C21orf91: variants seen among roughly 807,000 people sequenced by gnomAD.
C21orf91 encodes the protein chromosome 21 open reading frame 91.
A neutral mutation model predicts 32.9 loss-of-function variants in C21orf91; 26 were observed. The observed-to-expected ratio is 0.79, with a 90% CI of 0.58 to 1.10. The LOEUF is 1.10. C21orf91 is among the 50% of genes least tolerant of loss of function. The pLI is 0.00. For synonymous variants in C21orf91, 126 were observed against 120.4 expected (o/e 1.05, Z -0.31); for missense variants, 310 against 341.3 (o/e 0.91, Z 0.72).
rs1193293532 is a variant in C21orf91 at position 17,792,283 on chromosome 21, T to C, written c.*1132A>G. On this transcript the variant is annotated 3_prime_UTR_variant, in exon 5 of 5. Coordinates refer to ENST00000284881, the MANE Select transcript of C21orf91 (RefSeq NM_001100420.2). ...CGAGAACATTCTCTTAATACATAGG[T>C]TTATTTTTTTTTAATTAGGAGTTTT... 6.6e-6 allele frequency: 1 copy of C among 152,110 alleles called. No individual in the cohort carries two copies. Among genetic ancestry groups the C allele is most frequent in the East Asian group, 1.9e-4 (1 of 5,198 alleles). 9.4% of individuals were successfully genotyped at this position (152,110 alleles called of 1,614,324 possible).
At position 17,797,098 on chromosome 21, in the gene C21orf91, A is replaced by AT; in HGVS notation, c.147_148insA (p.Leu50IlefsTer10). The AT allele has an allele frequency of 6.3e-7, 1 of 1,597,476 alleles. No individual in the cohort carries two copies. Among genetic ancestry groups the AT allele is most frequent in the Non-Finnish European group, 8.5e-7 (1 of 1,173,454 alleles). On this transcript the variant is annotated frameshift_variant, in exon 3 of 5. Coordinates refer to ENST00000284881, the MANE Select transcript of C21orf91 (RefSeq NM_001100420.2). LOFTEE classifies it high-confidence loss of function. ...TGGCCCCTTAATGATTTGGTGTGCA[A>AT]GAGATCAGACTTTGGTACCCCTATG...
Position 17,812,202 on chromosome 21 carries a change from T to C in C21orf91, c.127+5990A>G, listed in dbSNP as rs373236398. ...TCTATTATTTAAACTTATCACCAATTAAGCCTACTTTCACTCTCACCCATC... is the reference window on the plus strand; with the variant it reads ...TCTATTATTTAAACTTATCACCAATCAAGCCTACTTTCACTCTCACCCATC... On this transcript the variant is annotated intron_variant, in intron 2 of 4. Transcript: ENST00000284881. Among the ~76,000 whole-genome samples the C allele has an allele frequency of 1.7e-4, 26 of 152,316 alleles. No individual in the cohort carries two copies. The South Asian group carries it at 5.2e-3, about 30-fold the overall frequency.
rs1305204100 is a variant in C21orf91 at position 17,792,510 on chromosome 21, A to G, written c.*905T>C. The G allele has an allele frequency of 1.3e-5, 2 of 152,092 alleles. No homozygotes were observed. Among genetic ancestry groups the G allele is most frequent in the Admixed American group, 1.3e-4 (2 of 15,272 alleles). The allele number at this position is 152,092 out of a possible 1,614,324, so 9.4% of individuals were successfully genotyped here. A position where few individuals can be genotyped will look rare whatever the true frequency, so the allele number is the denominator to read the frequency against. On this transcript the variant is annotated 3_prime_UTR_variant, in exon 5 of 5. Coordinates refer to ENST00000284881, the MANE Select transcript of C21orf91 (RefSeq NM_001100420.2). ...TTCAAAGACAGAACAATTTCACAGCACACTCAATTTGAAGATAGACATTAT... is the reference window on the plus strand; with the variant it reads ...TTCAAAGACAGAACAATTTCACAGCGCACTCAATTTGAAGATAGACATTAT...
chr21:17,800,520 G>A (rs1165256518), intron 2 of C21orf91, among the ~76,000 whole-genome samples: 1 of 152,300 alleles, frequency 6.6e-6, no homozygotes, highest in East Asian at 1.9e-4. Context: ...GCTATTTCAA[G>A]AGATCCCAGT....
chr21:17,819,095 G>C (rs1332108169), intron 1 of C21orf91: 1 of 152,222 alleles, frequency 6.6e-6, no homozygotes, highest in South Asian at 2.1e-4. Flanking sequence ...CGGGGAGCCG[G>C]GTCCTGGCCC....
At chr21:17,816,423 C>G (rs1260779488) in intron 2 of C21orf91, among the ~76,000 whole-genome samples, 2 of 152,210 alleles carry the variant, frequency 1.3e-5, no homozygotes, top group African/African-American at 4.8e-5. Context: ...GATTTGCCAG[C>G]AAACACTGGT....
intron 2 of C21orf91, among the ~76,000 whole-genome samples, chr21:17,798,222 T>C (rs2062534262): frequency 6.6e-6 from 1 of 152,202 alleles, no homozygotes; most frequent in African/African-American, 2.4e-5. Context: ...CCTTTAAAAA[T>C]TGAACTCATA....
intron 2 of C21orf91, among the ~76,000 whole-genome samples, chr21:17,813,161 T>C (rs949244482): frequency 6.6e-6 from 1 of 152,228 alleles, no homozygotes. Context: ...TAATGCCAGA[T>C]TGAATTAGCT....
chr21:17,796,806 A>G lies in C21orf91; in HGVS notation c.440T>C (p.Ile147Thr). 1 of 1,613,868 alleles carries G rather than the reference A, an allele frequency of 6.2e-7. No individual in the cohort carries two copies. The change falls in exon 3 of 5, where the codon ATA becomes ACA. Residue 147 changes from isoleucine to threonine, a missense_variant. Ile to Thr is a moderately conservative substitution (Grantham distance 89). Transcript: ENST00000284881. ...AGAGATGCCACCTGCACTTCCATCT[A>G]TCCATTTTGCAGAATATTTTGGTAC... ...SQVPKYSAKW[I>T]DGSAGGISNC...
At chr21:17,803,313 G>A (rs2062574738) in intron 2 of C21orf91, among the ~76,000 whole-genome samples, 1 of 152,134 alleles carries the variant, frequency 6.6e-6, no homozygotes, top group Non-Finnish European at 1.5e-5. Context: ...CTGACCCCAG[G>A]AATTTGAGAG....
rs2062671484 is a variant in C21orf91 at position 17,817,460 on chromosome 21, A to G, written c.127+732T>C. 2.0e-5 allele frequency among the ~76,000 whole-genome samples: 3 copies of G among 152,154 alleles called. No individual in the cohort carries two copies. In the South Asian group the frequency reaches 6.2e-4, roughly 32 times the overall value. On this transcript the variant is annotated intron_variant, in intron 2 of 4. Transcript: ENST00000284881. ...CTCTACTGATATGTTACAACTCAAA[A>G]CTCAAATTACAGGCCAAATTTTTTT...
rs367779833 is a variant in C21orf91 at position 17,808,436 on chromosome 21, A to G, written c.127+9756T>C. ...TGGAGACCATCTACTAAGGCAGTGC[A>G]GATGGGAAATGTGGGGTTGGAGCCC... On this transcript the variant is annotated intron_variant, in intron 2 of 4. Coordinates refer to ENST00000284881, the MANE Select transcript of C21orf91 (RefSeq NM_001100420.2). Among the ~76,000 whole-genome samples, 12 of 152,368 alleles carry G rather than the reference A, an allele frequency of 7.9e-5. No individual in the cohort carries two copies. In the South Asian group the frequency reaches 8.3e-4, roughly 11 times the overall value.
intron 4 of C21orf91, among the ~76,000 whole-genome samples, chr21:17,794,051 T>C (rs1020091771): frequency 3.3e-5 from 5 of 152,214 alleles, no homozygotes; most frequent in African/African-American, 9.6e-5. Flanking sequence ...TTTCCTTTTC[T>C]GTGTAACATT....
chr21:17,805,577 G>A (rs568419517), intron 2 of C21orf91, among the ~76,000 whole-genome samples: 1 of 152,258 alleles, frequency 6.6e-6, no homozygotes, highest in South Asian at 2.1e-4. Flanking sequence ...GCCTCCCAAA[G>A]TGCTGGGATT....
In C21orf91 at chr21:17,791,879, T is replaced by A. The variant is rs1157693410; in HGVS notation, c.*1536A>T. 6.6e-6 allele frequency: 1 copy of A among 152,104 alleles called. No homozygotes were observed. Among genetic ancestry groups the A allele is most frequent in the Non-Finnish European group, 1.5e-5 (1 of 67,966 alleles). 9.4% of individuals were successfully genotyped at this position (152,104 alleles called of 1,614,324 possible). A position where few individuals can be genotyped will look rare whatever the true frequency, so the allele number is the denominator to read the frequency against. ...AAAAACAAAATCAACAGATATCAAT[T>A]AATACCCTCAGGCCAATTTAACACG... On this transcript the variant is annotated 3_prime_UTR_variant, in exon 5 of 5. Coordinates refer to ENST00000284881, the MANE Select transcript of C21orf91 (RefSeq NM_001100420.2).
At chr21:17,816,238 G>A (rs2062664207) in intron 2 of C21orf91, among the ~76,000 whole-genome samples, 1 of 152,228 alleles carries the variant, frequency 6.6e-6, no homozygotes, top group Non-Finnish European at 1.5e-5. Flanking sequence ...CTTACATGCT[G>A]AGATATTATC....
At chr21:17,803,312 G>A (rs1475543063) in intron 2 of C21orf91, among the ~76,000 whole-genome samples, 1 of 152,166 alleles carries the variant, frequency 6.6e-6, no homozygotes, top group Non-Finnish European at 1.5e-5. Flanking sequence ...CCTGACCCCA[G>A]GAATTTGAGA....
intron 2 of C21orf91, chr21:17,813,837 C>G (rs2062648415): frequency 6.6e-6 from 1 of 152,110 alleles, no homozygotes; most frequent in Non-Finnish European, 1.5e-5. Flanking sequence ...TTGGTCCAAT[C>G]TTATAAAAAA....
At chr21:17,812,836 A>G (rs991615042) in intron 2 of C21orf91, among the ~76,000 whole-genome samples, 2 of 152,004 alleles carry the variant, frequency 1.3e-5, no homozygotes. Context: ...AACAAACAAA[A>G]AAAATCCACT....
Sources: gnomAD v4.1 joint callset for allele counts (sites outside exome capture counted in the v4.1 genomes callset) on GRCh38, gnomAD v4.1.1 for gene constraint, MANE v1.5 for transcripts, NCBI Gene and HGNC (gene_info 2026-07-23, HGNC 2026-07-21) for gene names.